Variants in ATP6V0B observed in about 807,000 individuals in gnomAD.
ATP6V0B encodes the protein ATPase H+ transporting V0 subunit b.
A neutral mutation model predicts 26.2 loss-of-function variants in ATP6V0B; 4 were observed. The observed-to-expected ratio is 0.15, with a 90% confidence interval of 0.08 to 0.35. The LOEUF is 0.35. Ranked by LOEUF, ATP6V0B falls within the 10% of genes least tolerant of loss-of-function variation. The pLI is 1.00. For synonymous variants in ATP6V0B, 110 were observed against 105.8 expected (o/e 1.04, Z -0.24); for missense variants, 175 against 272.5 (o/e 0.64, Z 2.52).
In ATP6V0B at chr1:43,975,818, T is replaced by C. The variant is rs866286755; in HGVS notation, c.86T>C (p.Phe29Ser). ...ALAVGVCYTIFDLGFRFDVAW... is the reference protein window; with the variant it reads ...ALAVGVCYTISDLGFRFDVAW... ...GCTGCAGGAGTCTGCTACACCATTT[T>C]TGATTTGGGCTTCCGCTTTGATGTG... The change falls in exon 2 of 8, where the codon TTT (phenylalanine) becomes TCT (serine). Residue 29 changes from phenylalanine (F) to serine (S), a missense_variant. Phe to Ser is a radical substitution (Grantham distance 155). Transcript: ENST00000472174. The C allele has an allele frequency of 6.2e-7, 1 of 1,601,792 alleles. No individual in the cohort carries two copies. Among genetic ancestry groups the C allele is most frequent in the Non-Finnish European group, 8.5e-7 (1 of 1,173,128 alleles).
In ATP6V0B at chr1:43,978,044, T is replaced by A. The variant is rs770142154; in HGVS notation, c.*37T>A. 3.7e-6 allele frequency: 6 copies of A among 1,614,050 alleles called. No homozygotes were observed. The highest frequency in any genetic ancestry group is 5.1e-6 in the Non-Finnish European group (6 of 1,179,922). On this transcript the variant is annotated 3_prime_UTR_variant, in exon 8 of 8. Transcript: ENST00000472174. ...GGGTGGGGCCGTGCCTCACTTTTAT[T>A]TATTGCTGGTTTTCCTGGGACAGCT...
intron 7 of ATP6V0B, 196 bp downstream of exon 7, chr1:43,977,412 C>A: frequency 6.7e-7 from 1 of 1,492,884 alleles, no homozygotes; most frequent in Non-Finnish European, 8.9e-7. Flanking sequence ...GTGTCACTGA[C>A]AACAGCCCTG....
At chr1:43,975,439 C>T (rs974389062) in intron 1 of ATP6V0B, 2 of 547,442 alleles carry the variant, frequency 3.7e-6, no homozygotes, top group African/African-American at 2.0e-5. Context: ...TGCTCCGGTT[C>T]CTCTTTTCCC....
In ATP6V0B at chr1:43,975,102, C is replaced by A; in HGVS notation, c.62C>A (p.Ala21Asp). 7.1e-7 allele frequency: 1 copy of A among 1,411,340 alleles called. No homozygotes were observed. Among genetic ancestry groups the A allele is most frequent in the Non-Finnish European group, 9.2e-7 (1 of 1,088,896 alleles). 87.4% of individuals were successfully genotyped at this position (1,411,340 alleles called of 1,614,324 possible). The change falls in exon 1 of 8, where the codon GCC (alanine) becomes GAC (aspartate). Residue 21 changes from alanine to aspartate, a missense_variant. Transcript: ENST00000472174. ...VFVAFWACAL[A>D]VGVCYTIFDL... The stretch of plus-strand genomic sequence containing the variant: ...GTGGCCTTCTGGGCCTGCGCGCTGG[C>A]CGTGGGTGAGGCCGGGTCCTGGCGG...
At chr1:43,975,151 C>T (rs977870549) in intron 1 of ATP6V0B, 44 bp downstream of exon 1, 22 of 1,405,962 alleles carry the variant, frequency 1.6e-5, no homozygotes, top group Non-Finnish European at 2.0e-5. Flanking sequence ...CGCGGCCGAG[C>T]TGGCCGGGTC....
chr1:43,974,997 G>A lies in ATP6V0B; in HGVS notation c.-44G>A, dbSNP rs2085500550. 8 of 1,255,112 alleles carry A rather than the reference G, an allele frequency of 6.4e-6. No homozygotes were observed. Among genetic ancestry groups the A allele is most frequent in the Non-Finnish European group, 7.0e-6 (7 of 994,168 alleles). The allele number at this position is 1,255,112 out of a possible 1,614,324, so 77.7% of individuals were successfully genotyped here. A position where few individuals can be genotyped will look rare whatever the true frequency, so the allele number is the denominator to read the frequency against. On this transcript the variant is annotated 5_prime_UTR_variant, in exon 1 of 8. Transcript: ENST00000472174. ...GGACGGTGGACGCTGGGACGCGTTT[G>A]TAGCTCCGGCCCCGCCGTTCCGACC...
chr1:43,977,883 G>C, intron 7 of ATP6V0B, 98 bp from the exon 8 acceptor site: 1 of 1,613,440 alleles, frequency 6.2e-7, no homozygotes, highest in Non-Finnish European at 8.5e-7. Context: ...CTTGTGGTCT[G>C]TCCATCCAAC....
chr1:43,977,938 A>C, intron 7 of ATP6V0B, 43 bp from the exon 8 acceptor site: 1 of 1,614,024 alleles, frequency 6.2e-7, no homozygotes, highest in Non-Finnish European at 8.5e-7. Context: ...TGCCTTACCT[A>C]TTCCTCTGTC....
intron 7 of ATP6V0B, 161 bp downstream of exon 7, chr1:43,977,377 GCT>G (rs1000321309): frequency 3.9e-6 from 6 of 1,527,702 alleles, no homozygotes; most frequent in African/African-American, 1.4e-5. Context: ...TCCTACAGGG[GCT>G]CTCTATTTTT....
chr1:43,975,711 TG>T, intron 1 of ATP6V0B, 88 bp from the exon 2 acceptor site: 1 of 1,471,942 alleles, frequency 6.8e-7, no homozygotes. Flanking sequence ...TTCAGGGAGG[TG>T]GCCCTTCAGC....
chr1:43,978,107 C>G lies in ATP6V0B; in HGVS notation c.*100C>G, dbSNP rs2085545941. On this transcript the variant is annotated 3_prime_UTR_variant, in exon 8 of 8. Transcript: ENST00000472174. ...CTTAGCCTTTCAGAGGCTTGGTGTT[C>G]AGGGCCCTCCCTGCACTCCCCTCTT... 6.5e-7 allele frequency: 1 copy of G among 1,542,004 alleles called. No individual in the cohort carries two copies. Among genetic ancestry groups the G allele is most frequent in the Non-Finnish European group, 9.0e-7 (1 of 1,116,396 alleles).
rs1348269947 is a variant in ATP6V0B, at chr1:43,976,036, G to T, written c.117-54G>T. 6.3e-7 allele frequency: 1 copy of T among 1,584,620 alleles called. No individual in the cohort carries two copies. The highest frequency in any genetic ancestry group is 8.7e-7 in the Non-Finnish European group (1 of 1,153,682). On this transcript the variant is annotated intron_variant, in intron 2 of 7. Coordinates refer to ENST00000472174, the MANE Select transcript of ATP6V0B (RefSeq NM_004047.5). This position sits in a 1 kb window ranked among gnomAD's most constrained non-coding sequence, Gnocchi z 4.6. ...AGGGGGTTTGAGGGGTTAAGATTTTGTGCTCCGCTTCCCTGCTAGAGCTGA... is the reference window on the plus strand; with the variant it reads ...AGGGGGTTTGAGGGGTTAAGATTTTTTGCTCCGCTTCCCTGCTAGAGCTGA...
chr1:43,976,385 T>C lies in ATP6V0B; in HGVS notation c.278+6T>C, dbSNP rs772418698. The C allele has an allele frequency of 1.9e-6, 3 of 1,608,778 alleles. No homozygotes were observed. In the African/African-American group the frequency reaches 4.0e-5, roughly 22 times the overall value. The stretch of plus-strand genomic sequence containing the variant: ...AAGACCAAGAACCTGGTCAGGTAAG[T>C]GTCAGGGTCCTTGGACTTTTGTCAG... On this transcript the variant is annotated splice_donor_region_variant and intron_variant, in intron 4 of 7. Coordinates refer to ENST00000472174, the MANE Select transcript of ATP6V0B (RefSeq NM_004047.5). The surrounding 1 kb of genome is among the most constrained non-coding windows in gnomAD (Gnocchi z 4.6).
In ATP6V0B at chr1:43,978,253, C is replaced by A. The variant is rs1299881978; in HGVS notation, c.*246C>A. 8 of 594,684 alleles carry A rather than the reference C, an allele frequency of 1.3e-5. No individual in the cohort carries two copies. The highest frequency in any genetic ancestry group is 6.0e-5 in the Admixed American group (2 of 33,436). 36.8% of individuals were successfully genotyped at this position (594,684 alleles called of 1,614,324 possible). A position where few individuals can be genotyped will look rare whatever the true frequency, so the allele number is the denominator to read the frequency against. On this transcript the variant is annotated 3_prime_UTR_variant, in exon 8 of 8. Transcript: ENST00000472174. ...TCCCCCACCTCCACCCTCAACCCAT[C>A]TTCCTAGTGTTTGTGAAATAAACTT... is the stretch of plus-strand genomic sequence containing the variant.
At position 43,975,116 on chromosome 1, in the gene ATP6V0B, G is replaced by A; in HGVS notation, c.67+9G>A. On this transcript the variant is annotated intron_variant, in intron 1 of 7. Transcript: ENST00000472174. ...CTGCGCGCTGGCCGTGGGTGAGGCCGGGTCCTGGCGGGCGGGAGCAGCATC... is the reference window on the plus strand; with the variant it reads ...CTGCGCGCTGGCCGTGGGTGAGGCCAGGTCCTGGCGGGCGGGAGCAGCATC... The A allele has an allele frequency of 2.1e-6, 3 of 1,409,408 alleles. No individual in the cohort carries two copies. The highest frequency in any genetic ancestry group is 3.3e-5 in the Admixed American group (1 of 30,504). The allele number at this position is 1,409,408 out of a possible 1,614,324, so 87.3% of individuals were successfully genotyped here.
chr1:43,975,902 CTTCT>C (rs1557646290), intron 2 of ATP6V0B, 54 bp downstream of exon 2: 74 of 1,542,732 alleles, frequency 4.8e-5, no homozygotes, highest in Non-Finnish European at 6.3e-5. Flanking sequence ...TGCAGCCTCT[CTTCT>C]TTTCTCTGGT....
At chr1:43,975,486 T>G (rs2085508141) in intron 1 of ATP6V0B, 2 of 547,060 alleles carry the variant, frequency 3.7e-6, no homozygotes, top group Admixed American at 3.7e-5. Context: ...GCTTGTTGGG[T>G]AAACAGCGGA....
chr1:43,976,268 G>T lies in ATP6V0B; in HGVS notation c.201-34G>T, dbSNP rs776757840. ...GCATGCTGAGGGCAGTGACAGCTTG[G>T]GCTCTGCTCATCAGTTTTTTATCCT... On this transcript the variant is annotated intron_variant, in intron 3 of 7. Coordinates refer to ENST00000472174, the MANE Select transcript of ATP6V0B (RefSeq NM_004047.5). This position sits in a 1 kb window ranked among gnomAD's most constrained non-coding sequence, Gnocchi z 4.6. 6.2e-7 allele frequency: 1 copy of T among 1,611,924 alleles called. No homozygotes were observed. The highest frequency in any genetic ancestry group is 8.5e-7 in the Non-Finnish European group (1 of 1,178,132).
At chr1:43,977,264 C>T in intron 7 of ATP6V0B, 48 bp downstream of exon 7, 1 of 1,614,136 alleles carries the variant, frequency 6.2e-7, no homozygotes, top group Non-Finnish European at 8.5e-7. Flanking sequence ...CCCAACCTAG[C>T]CTTACCCTCC....
Sources: allele counts gnomAD v4.1 joint callset, GRCh38; gene constraint gnomAD v4.1.1; non-coding constraint Gnocchi (gnomAD v3.1); transcripts MANE v1.5; gene names NCBI Gene and HGNC (gene_info 2026-07-23, HGNC 2026-07-21).